The following CPXM2 variants were observed in gnomAD, a reference collection of about 807,000 sequenced individuals.
The protein encoded by CPXM2 is inactive carboxypeptidase-like protein X2.
Under a neutral mutation model 86.1 loss-of-function variants are expected in CPXM2, and 66 were observed. The observed-to-expected ratio is 0.77, with a 90% CI of 0.63 to 0.94. The LOEUF (loss-of-function observed/expected upper bound fraction) is 0.94. CPXM2 is among the 40% of genes least tolerant of loss of function. The pLI, the probability that CPXM2 is intolerant of heterozygous loss-of-function variation, is 0.00. For synonymous variants in CPXM2, 388 were observed against 400.2 expected, an observed-to-expected ratio of 0.97 and a Z score of 0.36; for missense variants, 948 against 1,026.3, an observed-to-expected ratio of 0.92 and a Z score of 1.04.
intron 4 of CPXM2, among the ~76,000 whole-genome samples, chr10:123,834,028 C>T (rs1048176709): frequency 1.3e-5 from 2 of 152,212 alleles, no homozygotes; most frequent in African/African-American, 2.4e-5. Context: ...CTCCATCTTA[C>T]AGATGAAGAA....
At chr10:123,911,288 G>T (rs182282412) in intron 2 of CPXM2, among the ~76,000 whole-genome samples, 1 of 152,012 alleles carries the variant, frequency 6.6e-6, no homozygotes, top group African/African-American at 2.4e-5. Flanking sequence ...CATGCACTAT[G>T]CTGGGTATGA....
At chr10:123,774,151 C>T (rs12354854) in intron 7 of CPXM2, among the ~76,000 whole-genome samples, 2,590 of 152,272 alleles carry the variant, frequency 0.017, 33 homozygotes, top group Non-Finnish European at 0.023. Flanking sequence ...CCAGGAAGGA[C>T]GCCCAGGTGC....
rs1017572587 is a variant in CPXM2, at chr10:123,879,470, G to C, written c.403+741C>G. 3.3e-5 allele frequency among the ~76,000 whole-genome samples: 5 copies of C among 152,040 alleles called. No homozygotes were observed. The East Asian group carries it at 9.6e-4, about 29-fold the overall frequency. On this transcript the variant is annotated intron_variant, in intron 2 of 13. Coordinates refer to ENST00000241305, the MANE Select transcript of CPXM2 (RefSeq NM_198148.3). The stretch of plus-strand genomic sequence containing the variant: ...CTCATTTTCCTCATCTGTAAAGTAT[G>C]GATAATAATGATAATAATAATACCC...
rs1945263096 is a variant in CPXM2 at position 123,891,249 on chromosome 10, C to CG, written c.304+106dup. ...GCAGAGGCGGCAACAGGGAGATTCC[C>CG]GGGACTGGCCCATCCCAGACACACA... On this transcript the variant is annotated intron_variant, in intron 1 of 13. Transcript: ENST00000241305. The surrounding 1 kb of genome is among the most constrained non-coding windows in gnomAD (Gnocchi z 5.6). 2.1e-6 allele frequency: 2 copies of CG among 970,132 alleles called. No individual in the cohort carries two copies. Among genetic ancestry groups the CG allele is most frequent in the Admixed American group, 3.2e-5 (1 of 31,618 alleles). 60.1% of individuals were successfully genotyped at this position (970,132 alleles called of 1,614,324 possible). A position where few individuals can be genotyped will look rare whatever the true frequency, so the allele number is the denominator to read the frequency against.
At chr10:123,903,254 A>G (rs981743629) in intron 2 of CPXM2, among the ~76,000 whole-genome samples, 1 of 152,166 alleles carries the variant, frequency 6.6e-6, no homozygotes, top group Non-Finnish European at 1.5e-5. Flanking sequence ...CCTGCTACCC[A>G]ATTACCTCCT....
chr10:123,839,179 T>C (rs1340509746), intron 4 of CPXM2, among the ~76,000 whole-genome samples: 1 of 152,136 alleles, frequency 6.6e-6, no homozygotes, highest in East Asian at 1.9e-4. Context: ...ACCACGTCTT[T>C]ATGAGATCGA....
In CPXM2 at chr10:123,857,417, A is replaced by T. The variant is rs1010096695; in HGVS notation, c.513+5197T>A. Among the ~76,000 whole-genome samples, 9 of 152,066 alleles carry T rather than the reference A, an allele frequency of 5.9e-5. No homozygotes were observed. The South Asian group carries it at 1.5e-3, about 25-fold the overall frequency. On this transcript the variant is annotated intron_variant, in intron 3 of 13. Transcript: ENST00000241305. The stretch of plus-strand genomic sequence containing the variant: ...TAGAAGCAGAAGACTGAAAAAAATT[A>T]ATTTTAAAAACACATTAGCACAATT...
intron 4 of CPXM2, among the ~76,000 whole-genome samples, chr10:123,838,297 C>G (rs538807506): frequency 6.6e-6 from 1 of 151,984 alleles, no homozygotes; most frequent in Non-Finnish European, 1.5e-5. Flanking sequence ...CCTGTGTCGA[C>G]TAAAAATACA....
chr10:123,893,901 C>A (rs1945313041), upstream of CPXM2, among the ~76,000 whole-genome samples: 2 of 152,202 alleles, frequency 1.3e-5, no homozygotes, highest in Admixed American at 6.5e-5. Flanking sequence ...TGCCCTGCAC[C>A]ACCTCCATCA....
chr10:123,825,476 G>C (rs1848026663), intron 4 of CPXM2, among the ~76,000 whole-genome samples: 1 of 152,094 alleles, frequency 6.6e-6, no homozygotes, highest in Admixed American at 6.5e-5. Context: ...GTTCTCCCTT[G>C]GAAATATTTA....
At chr10:123,747,053 C>T in intron 13 of CPXM2, 36 bp from the exon 14 acceptor site, 1 of 1,607,238 alleles carries the variant, frequency 6.2e-7, no homozygotes, top group Non-Finnish European at 8.5e-7. Context: ...CTCAGAGCAG[C>T]TCTTGCTAAT....
In CPXM2 at chr10:123,761,841, G is replaced by T. The variant is rs369250317; in HGVS notation, c.1777+31C>A. 3.1e-6 allele frequency: 5 copies of T among 1,602,006 alleles called. No homozygotes were observed. In the Admixed American group the frequency reaches 8.4e-5, roughly 27 times the overall value. On this transcript the variant is annotated intron_variant, in intron 11 of 13. Transcript: ENST00000241305. The stretch of plus-strand genomic sequence containing the variant: ...ACCCCTGCAGCGTCCTCCTGCGCCC[G>T]CAGCCCACTCTCCCCCAGAGGGAGG...
chr10:123,773,665 T>G (rs1846711814), intron 7 of CPXM2, among the ~76,000 whole-genome samples: 1 of 152,172 alleles, frequency 6.6e-6, no homozygotes, highest in African/African-American at 2.4e-5. Flanking sequence ...ATAAGAGGCA[T>G]GCAATGACCC....
chr10:123,764,772 C>T (rs1230270709), intron 10 of CPXM2, among the ~76,000 whole-genome samples: 1 of 152,018 alleles, frequency 6.6e-6, no homozygotes, highest in Non-Finnish European at 1.5e-5. Flanking sequence ...AAATTAATCT[C>T]CCTTTCTTTG....
chr10:123,915,280 G>A (rs7088497), intron 2 of CPXM2, among the ~76,000 whole-genome samples: 54,283 of 152,110 alleles, frequency 0.36, 10,057 homozygotes, highest in Middle Eastern at 0.56. Context: ...CACGTAGGCC[G>A]GGTGCGGTGG....
chr10:123,924,973 C>T (rs1325190064), intron 2 of CPXM2, among the ~76,000 whole-genome samples: 7 of 152,026 alleles, frequency 4.6e-5, no homozygotes, highest in African/African-American at 1.2e-4. Flanking sequence ...GGGCTCTGTG[C>T]CAGAAACCAG....
At chr10:123,912,488 A>T (rs1291875221) in intron 2 of CPXM2, among the ~76,000 whole-genome samples, 2 of 152,240 alleles carry the variant, frequency 1.3e-5, no homozygotes, top group Non-Finnish European at 2.9e-5. Flanking sequence ...CCACCCCTGC[A>T]TCTGCAGACT....
intron 4 of CPXM2, among the ~76,000 whole-genome samples, chr10:123,806,567 G>A (rs1272642603): frequency 6.6e-6 from 1 of 152,104 alleles, no homozygotes; most frequent in African/African-American, 2.4e-5. Flanking sequence ...TTGACATTAA[G>A]AAGGCTGTAT....
intron 13 of CPXM2, 75 bp from the exon 14 acceptor site, chr10:123,747,092 C>T: frequency 6.5e-7 from 1 of 1,535,980 alleles, no homozygotes; most frequent in Non-Finnish European, 8.8e-7. Flanking sequence ...CCTCCAAGAC[C>T]AGCTCCCTGG....
Sources: gnomAD v4.1 joint callset for allele counts (sites outside exome capture counted in the v4.1 genomes callset) on GRCh38, gnomAD v4.1.1 for gene constraint, Gnocchi (gnomAD v3.1) non-coding constraint, MANE v1.5 for transcripts, NCBI Gene and HGNC (gene_info 2026-07-23, HGNC 2026-07-21) for gene names.